ZMAT4: variants seen among roughly 807,000 people sequenced by gnomAD.
ZMAT4 encodes zinc finger matrin-type protein 4.
A neutral mutation model predicts 28.7 loss-of-function variants in ZMAT4; 17 were observed. The observed-to-expected ratio is 0.59, with a 90% confidence interval of 0.41 to 0.89. The LOEUF (loss-of-function observed/expected upper bound fraction) is 0.89. Ranked by LOEUF, ZMAT4 falls within the 40% of genes least tolerant of loss-of-function variation. The probability of loss-of-function intolerance (pLI) is 0.00; values close to 1 mark genes in which losing one functional copy is unlikely to be tolerated. For synonymous variants in ZMAT4, 117 were observed against 109.2 expected (o/e 1.07, Z -0.44); for missense variants, 240 against 283.8 (o/e 0.85, Z 1.11).
At position 40,816,998 on chromosome 8, in the gene ZMAT4, C is replaced by T. The variant is rs117284955; in HGVS notation, c.102+8577G>A. 8.3e-3 allele frequency among the ~76,000 whole-genome samples: 1,266 copies of T among 152,212 alleles called. 9 individuals are homozygous for T. Among genetic ancestry groups the T allele is most frequent in the Middle Eastern group, 0.031 (9 of 294 alleles). ...TCTCAGTTGAGCATGTGACTCAGGC[C>T]TTTGGCAAAAATCAAATGAAGGGCA... is the stretch of plus-strand genomic sequence containing the variant. On this transcript the variant is annotated intron_variant, in intron 2 of 6. Transcript: ENST00000297737.
At chr8:40,720,531 T>C (rs1184923348) in intron 3 of ZMAT4, among the ~76,000 whole-genome samples, 1 of 148,746 alleles carries the variant, frequency 6.7e-6, no homozygotes. Context: ...ATCTTTTTTT[T>C]TTTTTTTTTT....
At chr8:40,595,383 T>C (rs1156750431) in intron 5 of ZMAT4, among the ~76,000 whole-genome samples, 4 of 152,158 alleles carry the variant, frequency 2.6e-5, no homozygotes, top group Admixed American at 2.0e-4. Flanking sequence ...TGTGTGTATA[T>C]ATGTATACAC....
chr8:40,749,072 C>CG lies in ZMAT4; in HGVS notation c.192+18568dup, dbSNP rs1812356206. On this transcript the variant is annotated intron_variant, in intron 3 of 6. Coordinates refer to ENST00000297737, the MANE Select transcript of ZMAT4 (RefSeq NM_024645.3). The stretch of plus-strand genomic sequence containing the variant: ...GTCTCTTGTCTGCCACCATGTAAGA[C>CG]GTGCCCTTCATCTTCTACCATGATT... 2.0e-5 allele frequency among the ~76,000 whole-genome samples: 3 copies of CG among 152,176 alleles called. No individual in the cohort carries two copies. The South Asian group carries it at 6.2e-4, about 32-fold the overall frequency.
Position 40,799,203 on chromosome 8 carries a change from A to G in ZMAT4, c.102+26372T>C, listed in dbSNP as rs199569011. On this transcript the variant is annotated intron_variant, in intron 2 of 6. Transcript: ENST00000297737. The stretch of plus-strand genomic sequence containing the variant: ...GAGAGAGAGACAGAGAGAAGGATAG[A>G]TGGGTGGATGGATGGATGGATGGAT... Among the ~76,000 whole-genome samples the G allele has an allele frequency of 3.2e-5, 4 of 125,424 alleles. No homozygotes were observed. In the East Asian group the frequency reaches 1.1e-3, roughly 34 times the overall value. 82.3% of individuals were successfully genotyped at this position (125,424 alleles called of 152,430 possible).
intron 2 of ZMAT4, among the ~76,000 whole-genome samples, chr8:40,770,610 C>A (rs1813351009): frequency 6.7e-6 from 1 of 148,512 alleles, no homozygotes; most frequent in African/African-American, 2.5e-5. Flanking sequence ...TGCAATGGCA[C>A]AATCTCAGCT....
intron 3 of ZMAT4, among the ~76,000 whole-genome samples, chr8:40,767,272 GAA>G (rs1224842827): frequency 6.6e-6 from 1 of 152,166 alleles, no homozygotes; most frequent in Admixed American, 6.5e-5. Context: ...AAAGTATGTA[GAA>G]AGTGAAGTAT....
At chr8:40,753,394 A>T (rs914946731) in intron 3 of ZMAT4, among the ~76,000 whole-genome samples, 1 of 152,174 alleles carries the variant, frequency 6.6e-6, no homozygotes, top group African/African-American at 2.4e-5. Context: ...ATCACTAATC[A>T]ACTTCCAGAC....
At chr8:40,646,932 G>A (rs1424697492) in intron 5 of ZMAT4, among the ~76,000 whole-genome samples, 1 of 152,140 alleles carries the variant, frequency 6.6e-6, no homozygotes, top group African/African-American at 2.4e-5. Context: ...TCATTCTCTA[G>A]GACAAATCAT....
intron 6 of ZMAT4, among the ~76,000 whole-genome samples, chr8:40,551,502 T>C (rs1427828244): frequency 6.6e-6 from 1 of 152,218 alleles, no homozygotes; most frequent in Non-Finnish European, 1.5e-5. Context: ...TTAGTTTTCA[T>C]ATAGTAGACG....
intron 5 of ZMAT4, among the ~76,000 whole-genome samples, chr8:40,601,437 G>GAGGA (rs1805307932): frequency 9.7e-6 from 1 of 102,766 alleles, no homozygotes; most frequent in Admixed American, 1.0e-4. Context: ...AGGAAGGAAG[G>GAGGA]AAGGAAGGAA....
intron 4 of ZMAT4, among the ~76,000 whole-genome samples, chr8:40,678,233 A>T (rs369361422): frequency 2.2e-4 from 34 of 152,240 alleles, no homozygotes; most frequent in African/African-American, 7.7e-4. Flanking sequence ...CCAAAATGTC[A>T]TATCATCCAT....
chr8:40,734,709 T>C (rs1051822302), intron 3 of ZMAT4, among the ~76,000 whole-genome samples: 1 of 152,194 alleles, frequency 6.6e-6, no homozygotes, highest in Non-Finnish European at 1.5e-5. Flanking sequence ...GGAGTCACCT[T>C]ACATTTAACA....
chr8:40,718,438 G>C (rs1030352589), intron 3 of ZMAT4, among the ~76,000 whole-genome samples: 1 of 152,140 alleles, frequency 6.6e-6, no homozygotes, highest in African/African-American at 2.4e-5. Flanking sequence ...TTGTTCTGTG[G>C]GAAACTCCTT....
At chr8:40,644,653 G>A (rs1415291294) in intron 5 of ZMAT4, among the ~76,000 whole-genome samples, 1 of 152,152 alleles carries the variant, frequency 6.6e-6, no homozygotes, top group African/African-American at 2.4e-5. Context: ...CCACCCTCAA[G>A]GAGGTGAAAT....
At chr8:40,599,849 T>C (rs2118608326) in intron 5 of ZMAT4, among the ~76,000 whole-genome samples, 1 of 152,186 alleles carries the variant, frequency 6.6e-6, no homozygotes, top group African/African-American at 2.4e-5. Context: ...GAGTCCTCGG[T>C]CCCAGCACCG....
intron 6 of ZMAT4, among the ~76,000 whole-genome samples, chr8:40,580,786 A>G (rs1804439696): frequency 6.6e-6 from 1 of 152,224 alleles, no homozygotes; most frequent in African/African-American, 2.4e-5. Flanking sequence ...TGTTTCTATA[A>G]TAATCAACAA....
chr8:40,616,902 T>TTGTTAGA, intron 5 of ZMAT4, among the ~76,000 whole-genome samples: 1 of 148,842 alleles, frequency 6.7e-6, no homozygotes. Flanking sequence ...AAAAAAAAGC[T>TTGTTAGA]TGTTAGAGCA....
chr8:40,670,847 T>A (rs1808635181), intron 5 of ZMAT4, among the ~76,000 whole-genome samples: 1 of 152,066 alleles, frequency 6.6e-6, no homozygotes, highest in Non-Finnish European at 1.5e-5. Flanking sequence ...GGTGGGCAGA[T>A]CATGAGGTCA....
intron 6 of ZMAT4, among the ~76,000 whole-genome samples, chr8:40,548,151 C>T (rs1272665856): frequency 6.6e-6 from 1 of 152,132 alleles, no homozygotes. Flanking sequence ...GATAATCAAA[C>T]ATTTAGGTGT....
Sources: allele counts gnomAD v4.1 joint callset (sites outside exome capture counted in the v4.1 genomes callset), GRCh38; gene constraint gnomAD v4.1.1; transcripts MANE v1.5; gene names NCBI Gene and HGNC (gene_info 2026-07-23, HGNC 2026-07-21).